Variants in WDR27 observed in about 807,000 individuals in gnomAD.
The protein encoded by WDR27 is WD repeat-containing protein 27.
In WDR27, 100 loss-of-function variants were observed where a neutral mutation model predicts 114.4. The ratio of observed to expected loss-of-function variants is 0.87; its 90% CI spans 0.74 to 1.03. The LOEUF (loss-of-function observed/expected upper bound fraction) is 1.03. Ranked by LOEUF, WDR27 falls within the 50% of genes least tolerant of loss-of-function variation. The pLI is 0.00. For synonymous variants in WDR27, 449 were observed against 423.1 expected, an observed-to-expected ratio of 1.06 and a Z score of -0.75; for missense variants, 1,129 against 1,092.9, an observed-to-expected ratio of 1.03 and a Z score of -0.47.
At chr6:169,474,486 C>T (rs1786863229) in intron 25 of WDR27, among the ~76,000 whole-genome samples, 1 of 152,064 alleles carries the variant, frequency 6.6e-6, no homozygotes, top group South Asian at 2.1e-4. Context: ...CAAGTGAAGT[C>T]ATTGATGATA....
At chr6:169,444,506 T>C in the WDR27 span, among the ~76,000 whole-genome samples, 1 of 152,110 alleles carries the variant, frequency 6.6e-6, no homozygotes, top group Non-Finnish European at 1.5e-5. Flanking sequence ...CTGTCCCAGC[T>C]CCACCAGGGC....
At chr6:169,428,970 G>C in the WDR27 span, among the ~76,000 whole-genome samples, 3 of 152,328 alleles carry the variant, frequency 2.0e-5, no homozygotes, top group South Asian at 4.1e-4. Context: ...GCACCACACA[G>C]TGAGTGGGGC....
chr6:169,589,999 G>A (rs1805406564), intron 23 of WDR27, among the ~76,000 whole-genome samples: 1 of 44,182 alleles, frequency 2.3e-5, no homozygotes, highest in African/African-American at 7.4e-5. Flanking sequence ...ATGAGGATGT[G>A]GCATAAATCT....
At chr6:169,693,622 A>C (rs1453708331) in intron 1 of WDR27, among the ~76,000 whole-genome samples, 1 of 152,174 alleles carries the variant, frequency 6.6e-6, no homozygotes, top group Admixed American at 6.5e-5. Context: ...CATAAACTTA[A>C]GGTAAAGGAG....
chr6:169,469,941 C>T (rs527453794), intron 25 of WDR27, among the ~76,000 whole-genome samples: 3 of 152,294 alleles, frequency 2.0e-5, no homozygotes, highest in Admixed American at 6.5e-5. Flanking sequence ...CTATTTTTTG[C>T]CATACTGATA....
chr6:169,530,950 C>G (rs1795517160), intron 25 of WDR27, among the ~76,000 whole-genome samples: 1 of 152,190 alleles, frequency 6.6e-6, no homozygotes, highest in Non-Finnish European at 1.5e-5. Context: ...GATGTCTGGT[C>G]TGATCTCAGC....
Position 169,702,019 on chromosome 6 carries a change from C to CATA in WDR27, c.-477_-476insTAT. 1 of 442,990 alleles carries CATA rather than the reference C, an allele frequency of 2.3e-6. No homozygotes were observed. Among genetic ancestry groups the CATA allele is most frequent in the Non-Finnish European group, 4.5e-6 (1 of 222,052 alleles). 27.4% of individuals were successfully genotyped at this position (442,990 alleles called of 1,614,324 possible). On this transcript the variant is annotated 5_prime_UTR_variant, in exon 1 of 26. It adds an upstream start codon to the 5' untranslated region. Coordinates refer to ENST00000448612, the MANE Select transcript of WDR27 (RefSeq NM_182552.5). Reference sequence around the variant, plus strand: ...TTACTTGCCAGCCGACCCACGCGAGCCGCTATGGTTACTAGCCCGCCGCCC... The same window carrying CATA: ...TTACTTGCCAGCCGACCCACGCGAGCATACGCTATGGTTACTAGCCCGCCGCCC...
chr6:169,576,965 T>TCA (rs34272329), intron 24 of WDR27, among the ~76,000 whole-genome samples: 67,582 of 151,278 alleles, frequency 0.45, 17,656 homozygotes, highest in East Asian at 0.97. Context: ...ATTATGAAAA[T>TCA]CACAGTTAAG....
chr6:169,618,800 G>C (rs1357757210), intron 21 of WDR27, among the ~76,000 whole-genome samples: 2 of 152,124 alleles, frequency 1.3e-5, no homozygotes, highest in Non-Finnish European at 2.9e-5. Flanking sequence ...ATGACAGTTT[G>C]TGAGTAGCAG....
chr6:169,670,354 A>C (rs1585057234), intron 4 of WDR27: 3 of 429,168 alleles, frequency 7.0e-6, no homozygotes, highest in Non-Finnish European at 1.2e-5. Flanking sequence ...TTCCATAAAG[A>C]GTTTTAATAT....
At chr6:169,535,215 T>G (rs1055943133) in intron 25 of WDR27, among the ~76,000 whole-genome samples, 2 of 152,206 alleles carry the variant, frequency 1.3e-5, no homozygotes, top group Non-Finnish European at 2.9e-5. Flanking sequence ...TTTCATTGTT[T>G]GATACCTAAC....
intron 25 of WDR27, among the ~76,000 whole-genome samples, chr6:169,551,588 T>A (rs139682380): frequency 6.6e-6 from 1 of 151,606 alleles, no homozygotes; most frequent in African/African-American, 2.4e-5. Context: ...TACAAAAAAA[T>A]TAGCTGGGCA....
intron 19 of WDR27, among the ~76,000 whole-genome samples, chr6:169,635,550 G>A (rs1424446851): frequency 6.6e-6 from 1 of 152,220 alleles, no homozygotes; most frequent in Non-Finnish European, 1.5e-5. Flanking sequence ...ATAGATGAGA[G>A]TGGGGATGCT....
At chr6:169,527,563 A>T (rs1795098054) in intron 25 of WDR27, among the ~76,000 whole-genome samples, 1 of 152,244 alleles carries the variant, frequency 6.6e-6, no homozygotes, top group African/African-American at 2.4e-5. Context: ...ATGGTTGCAC[A>T]ATATATGAAT....
At chr6:169,470,686 C>A (rs565731008) in intron 25 of WDR27, among the ~76,000 whole-genome samples, 24 of 152,190 alleles carry the variant, frequency 1.6e-4, no homozygotes, top group African/African-American at 5.8e-4. Flanking sequence ...CTTACAAAGC[C>A]AACAATTCTA....
At chr6:169,434,368 T>G in the WDR27 span, among the ~76,000 whole-genome samples, 1 of 152,152 alleles carries the variant, frequency 6.6e-6, no homozygotes, top group Non-Finnish European at 1.5e-5. Flanking sequence ...TTTTGTCAGG[T>G]TTGTTGAAGA....
chr6:169,581,695 A>G (rs1176001870), intron 24 of WDR27, among the ~76,000 whole-genome samples: 2 of 152,268 alleles, frequency 1.3e-5, no homozygotes, highest in Non-Finnish European at 2.9e-5. Flanking sequence ...ATGACAGCAC[A>G]AGATGCACTT....
chr6:169,554,333 A>G (rs1403190054), intron 25 of WDR27, among the ~76,000 whole-genome samples: 1 of 152,170 alleles, frequency 6.6e-6, no homozygotes, highest in Non-Finnish European at 1.5e-5. Flanking sequence ...TGGTGAATGC[A>G]GGAAGACGGG....
chr6:169,521,853 C>G (rs999820760), intron 25 of WDR27, among the ~76,000 whole-genome samples: 2 of 151,762 alleles, frequency 1.3e-5, no homozygotes, highest in Non-Finnish European at 2.9e-5. Flanking sequence ...GAGGAAATCA[C>G]TTAAACACAA....
Sources: gnomAD v4.1 joint callset for allele counts (sites outside exome capture counted in the v4.1 genomes callset) on GRCh38, gnomAD v4.1.1 for gene constraint, MANE v1.5 for transcripts, NCBI Gene and HGNC (gene_info 2026-07-23, HGNC 2026-07-21) for gene names.